XYLT1: variants seen among roughly 807,000 people sequenced by gnomAD.
XYLT1 encodes beta-D-xylosyltransferase 1.
In XYLT1, 36 loss-of-function variants were observed where a neutral mutation model predicts 91.3. The observed-to-expected ratio is 0.39, with a 90% CI of 0.30 to 0.52. The LOEUF is 0.52. Ranked by LOEUF, XYLT1 falls within the 20% of genes least tolerant of loss-of-function variation. The probability of loss-of-function intolerance (pLI) is 0.68; values close to 1 mark genes in which losing one functional copy is unlikely to be tolerated. For missense variants in XYLT1, 1,242 were observed against 1,284.5 expected, an observed-to-expected ratio of 0.97 and a Z score of 0.51; for synonymous variants, 588 against 532.0, an observed-to-expected ratio of 1.11 and a Z score of -1.45.
intron 2 of XYLT1, among the ~76,000 whole-genome samples, chr16:17,260,951 G>C (rs2033712991): frequency 6.6e-6 from 1 of 152,088 alleles, no homozygotes; most frequent in Non-Finnish European, 1.5e-5. Flanking sequence ...GGTGCCCCTA[G>C]GACTGGGCGT....
chr16:17,127,818 G>T lies in XYLT1; in HGVS notation c.2071C>A (p.Leu691Ile). The change falls in exon 10 of 12, where the codon CTT becomes ATT. Residue 691 changes from leucine to isoleucine, a missense_variant. This residue lies in a region of XYLT1 where 511 missense variants were observed against 497.0 expected (regional missense o/e 1.03). Transcript: ENST00000261381. ...GHPASVHLYF[L>I]ADRFQGFLIK... ...AGAAAGCCCTGGAAGCGGTCAGCAA[G>T]GAAGTAGAGGTGCACAGATGCTGGG... 6.2e-7 allele frequency: 1 copy of T among 1,614,122 alleles called. No homozygotes were observed.
chr16:17,331,820 GC>G (rs1307630922), intron 2 of XYLT1, among the ~76,000 whole-genome samples: 1 of 152,152 alleles, frequency 6.6e-6, no homozygotes, highest in African/African-American at 2.4e-5. Flanking sequence ...ATTATGTGCT[GC>G]CTTGACACCT....
intron 6 of XYLT1, among the ~76,000 whole-genome samples, chr16:17,148,895 T>C (rs1567296359): frequency 6.6e-6 from 1 of 152,258 alleles, no homozygotes; most frequent in South Asian, 2.1e-4. Context: ...GCCAGACCTC[T>C]GGAAGATATC....
intron 1 of XYLT1, among the ~76,000 whole-genome samples, chr16:17,460,887 T>C (rs1019431462): frequency 8.5e-5 from 13 of 152,054 alleles, no homozygotes; most frequent in Admixed American, 2.0e-4. Flanking sequence ...CTAGCAAACA[T>C]CTCCTACGAT....
At chr16:17,192,350 T>C (rs1295554747) in intron 5 of XYLT1, among the ~76,000 whole-genome samples, 1 of 152,086 alleles carries the variant, frequency 6.6e-6, no homozygotes, top group Non-Finnish European at 1.5e-5. Flanking sequence ...CCACCCATCT[T>C]GGCCTCCCAA....
chr16:17,188,611 A>C (rs1173408040), intron 5 of XYLT1, among the ~76,000 whole-genome samples: 1 of 152,184 alleles, frequency 6.6e-6, no homozygotes, highest in Admixed American at 6.6e-5. Context: ...ATTCCTTTGC[A>C]AAGTGCTCAT....
At position 17,420,066 on chromosome 16, in the gene XYLT1, C is replaced by CT. The variant is rs560973188; in HGVS notation, c.363+50367dup. On this transcript the variant is annotated intron_variant, in intron 1 of 11. Transcript: ENST00000261381. ...TTTATTCAAAGCAGCAAAATATCAT[C>CT]TAATGGCTTGCTCTTTTGTCTTTGT... 2.8e-3 allele frequency among the ~76,000 whole-genome samples: 431 copies of CT among 152,306 alleles called. 2 individuals carry two copies. Among genetic ancestry groups the CT allele is most frequent in the Admixed American group, 5.2e-3 (79 of 15,304 alleles).
At position 17,129,911 on chromosome 16, in the gene XYLT1, G is replaced by C. The variant is rs529311758; in HGVS notation, c.2028-2050C>G. Among the ~76,000 whole-genome samples the C allele has an allele frequency of 2.0e-5, 3 of 152,234 alleles. No individual in the cohort carries two copies. In the East Asian group the frequency reaches 5.8e-4, roughly 29 times the overall value. ...GACTTTGCAAGTTTCCTTGTACCCG[G>C]GAGGCAGAACCTATTTTTCTACCTC... On this transcript the variant is annotated intron_variant, in intron 9 of 11. Transcript: ENST00000261381.
In XYLT1 at chr16:17,102,339, GTTT is replaced by G. The variant is rs1244265159; in HGVS notation, c.*6353_*6355del. 6.6e-6 allele frequency: 1 copy of G among 152,562 alleles called. No individual in the cohort carries two copies. Among genetic ancestry groups the G allele is most frequent in the East Asian group, 1.9e-4 (1 of 5,202 alleles). 9.5% of individuals were successfully genotyped at this position (152,562 alleles called of 1,614,324 possible). The stretch of plus-strand genomic sequence containing the variant: ...ATAGTCACTGTTCCATAAAGGCAGT[GTTT>G]TTTTAATTTTAAAATTCTGCATCTG... On this transcript the variant is annotated 3_prime_UTR_variant, in exon 12 of 12. Coordinates refer to ENST00000261381, the MANE Select transcript of XYLT1 (RefSeq NM_022166.4).
chr16:17,279,238 T>A (rs1030084605), intron 2 of XYLT1, among the ~76,000 whole-genome samples: 2 of 152,230 alleles, frequency 1.3e-5, no homozygotes, highest in African/African-American at 2.4e-5. Flanking sequence ...TTTGAAGCTG[T>A]GTGACCTTGG....
In XYLT1 at chr16:17,322,361, A is replaced by G. The variant is rs527305014; in HGVS notation, c.402+35651T>C. Among the ~76,000 whole-genome samples, 6 of 152,274 alleles carry G rather than the reference A, an allele frequency of 3.9e-5. No homozygotes were observed. The South Asian group carries it at 8.3e-4, about 21-fold the overall frequency. ...ACAAGTAGAAACTTAATTCATTCCC[A>G]TGAACTAGATAATATAATCATCATC... is the stretch of plus-strand genomic sequence containing the variant. On this transcript the variant is annotated intron_variant, in intron 2 of 11. Transcript: ENST00000261381.
At chr16:17,126,042 G>C (rs1273532120) in intron 10 of XYLT1, among the ~76,000 whole-genome samples, 1 of 152,180 alleles carries the variant, frequency 6.6e-6, no homozygotes, top group Admixed American at 6.6e-5. Context: ...CCACAGAGTG[G>C]TCCTGTAGTT....
chr16:17,305,728 C>T (rs556871133), intron 2 of XYLT1, among the ~76,000 whole-genome samples: 4 of 152,188 alleles, frequency 2.6e-5, no homozygotes, highest in South Asian at 2.1e-4. Flanking sequence ...ATTAAACAGA[C>T]GAAGTATTGC....
At chr16:17,377,684 T>C (rs2035620757) in intron 1 of XYLT1, among the ~76,000 whole-genome samples, 1 of 152,020 alleles carries the variant, frequency 6.6e-6, no homozygotes, top group South Asian at 2.1e-4. Flanking sequence ...ACCAGAATAG[T>C]CAGGGAGTCC....
intron 5 of XYLT1, among the ~76,000 whole-genome samples, chr16:17,192,581 A>G (rs1274406046): frequency 6.6e-6 from 1 of 152,202 alleles, no homozygotes; most frequent in Non-Finnish European, 1.5e-5. Context: ...AGAGTTTGAA[A>G]GTATCCATTT....
chr16:17,453,066 T>C (rs868646802), intron 1 of XYLT1, among the ~76,000 whole-genome samples: 1 of 152,236 alleles, frequency 6.6e-6, no homozygotes. Flanking sequence ...CACAATAGCA[T>C]TGCAGCTTTG....
At chr16:17,119,061 C>G (rs2029955805) in intron 10 of XYLT1, among the ~76,000 whole-genome samples, 1 of 152,134 alleles carries the variant, frequency 6.6e-6, no homozygotes, top group Non-Finnish European at 1.5e-5. Context: ...AGCACTATCT[C>G]AGAGTTGTCT....
intron 10 of XYLT1, among the ~76,000 whole-genome samples, chr16:17,121,535 G>A (rs994278877): frequency 1.3e-5 from 2 of 152,088 alleles, no homozygotes; most frequent in Non-Finnish European, 2.9e-5. Context: ...ACCAACCAAT[G>A]GCTTTCCATT....
At chr16:17,291,866 G>A (rs570344667) in intron 2 of XYLT1, among the ~76,000 whole-genome samples, 2 of 152,166 alleles carry the variant, frequency 1.3e-5, no homozygotes, top group East Asian at 3.9e-4. Context: ...GACGAGGTGT[G>A]GTAAGGAAAG....
Sources: gnomAD v4.1 joint callset for allele counts (sites outside exome capture counted in the v4.1 genomes callset) on GRCh38, gnomAD v4.1.1 for gene constraint, gnomAD v4.1.1 regional missense constraint, MANE v1.5 for transcripts, NCBI Gene and HGNC (gene_info 2026-07-23, HGNC 2026-07-21) for gene names.